The following FBXL4 variants were observed in gnomAD, a reference collection of about 807,000 sequenced individuals.
The protein encoded by FBXL4 is F-box/LRR-repeat protein 4.
FBXL4 carries 40 observed loss-of-function variants against 58.9 expected under a neutral mutation model. That is an observed-to-expected ratio of 0.68 (90% confidence interval 0.53 to 0.88). The LOEUF (loss-of-function observed/expected upper bound fraction) is 0.88. Ranked by LOEUF, FBXL4 falls within the 40% of genes least tolerant of loss-of-function variation. The probability of loss-of-function intolerance (pLI) is 0.00; values close to 1 mark genes in which losing one functional copy is unlikely to be tolerated. For missense variants in FBXL4, 676 were observed against 734.4 expected, an observed-to-expected ratio of 0.92 and a Z score of 0.92; for synonymous variants, 263 against 265.5, an observed-to-expected ratio of 0.99 and a Z score of 0.09.
At chr6:98,933,683 A>G (rs1773097100) in intron 2 of FBXL4, among the ~76,000 whole-genome samples, 1 of 152,212 alleles carries the variant, frequency 6.6e-6, no homozygotes, top group South Asian at 2.1e-4. Context: ...GAACTCCCCA[A>G]GTTCGGAGAA....
At chr6:98,897,173 A>G in intron 7 of FBXL4, 1 of 984,980 alleles carries the variant, frequency 1.0e-6, no homozygotes, top group African/African-American at 1.7e-5. Flanking sequence ...TGAGGCATTT[A>G]AATCCTCCTT....
chr6:98,928,241 T>C (rs1299517829), intron 2 of FBXL4, among the ~76,000 whole-genome samples: 2 of 152,330 alleles, frequency 1.3e-5, no homozygotes, highest in African/African-American at 4.8e-5. Flanking sequence ...AGGTAAACTT[T>C]TGTTGACAAC....
Position 98,874,230 on chromosome 6 carries a change from T to C in FBXL4, c.*48A>G, listed in dbSNP as rs1770571558. The C allele has an allele frequency of 7.0e-7, 1 of 1,428,980 alleles. No homozygotes were observed. Among genetic ancestry groups the C allele is most frequent in the East Asian group, 2.5e-5 (1 of 39,248 alleles). 88.5% of individuals were successfully genotyped at this position (1,428,980 alleles called of 1,614,324 possible). A position where few individuals can be genotyped will look rare whatever the true frequency, so the allele number is the denominator to read the frequency against. On this transcript the variant is annotated 3_prime_UTR_variant, in exon 10 of 10. Transcript: ENST00000369244. Reference sequence around the variant, plus strand: ...ACAAAACCCAAAACCAATCCCAAAATTAAACCCCAACAAAGCACATTAATT... The same window carrying C: ...ACAAAACCCAAAACCAATCCCAAAACTAAACCCCAACAAAGCACATTAATT...
At chr6:98,939,021 A>G (rs920279957) in intron 1 of FBXL4, among the ~76,000 whole-genome samples, 1 of 145,524 alleles carries the variant, frequency 6.9e-6, no homozygotes, top group African/African-American at 2.5e-5. Flanking sequence ...GGCTACAGTA[A>G]GCTGTGATCA....
intron 7 of FBXL4, chr6:98,898,199 AT>A: frequency 1.4e-6 from 1 of 724,902 alleles, no homozygotes; most frequent in Non-Finnish European, 1.7e-6. Flanking sequence ...CTAGACAAAC[AT>A]TCCAGACAGG....
chr6:98,911,841 C>G (rs771377820), intron 5 of FBXL4, among the ~76,000 whole-genome samples: 8 of 152,308 alleles, frequency 5.3e-5, no homozygotes, highest in Non-Finnish European at 1.2e-4. Flanking sequence ...ACTTTGACGA[C>G]TTGAGAGAAG....
At chr6:98,914,013 T>C (rs1772218770) in intron 5 of FBXL4, among the ~76,000 whole-genome samples, 1 of 152,146 alleles carries the variant, frequency 6.6e-6, no homozygotes, top group Admixed American at 6.5e-5. Context: ...AAATACAAAC[T>C]ACCATCAGAG....
intron 7 of FBXL4, among the ~76,000 whole-genome samples, chr6:98,885,004 G>A (rs993067523): frequency 6.6e-6 from 1 of 152,174 alleles, no homozygotes; most frequent in African/African-American, 2.4e-5. Flanking sequence ...TATTGTAGAG[G>A]TGATATAGGT....
intron 2 of FBXL4, among the ~76,000 whole-genome samples, chr6:98,932,013 G>A (rs1773032659): frequency 6.6e-6 from 1 of 152,120 alleles, no homozygotes; most frequent in Non-Finnish European, 1.5e-5. Context: ...TAAGGAGAAT[G>A]GGATTCAAAG....
intron 1 of FBXL4, among the ~76,000 whole-genome samples, chr6:98,938,421 C>T (rs1773304833): frequency 6.6e-6 from 1 of 152,078 alleles, no homozygotes; most frequent in Non-Finnish European, 1.5e-5. Context: ...TTCTGGGTGG[C>T]CAGGGACATT....
At chr6:98,915,004 A>C (rs970951257) in intron 5 of FBXL4, among the ~76,000 whole-genome samples, 8 of 152,222 alleles carry the variant, frequency 5.3e-5, no homozygotes, top group Non-Finnish European at 1.2e-4. Flanking sequence ...CAAAAATCAC[A>C]AGCATTCTTA....
Position 98,874,211 on chromosome 6 carries a change from C to T in FBXL4, c.*67G>A. 7.5e-7 allele frequency: 1 copy of T among 1,334,844 alleles called. No individual in the cohort carries two copies. The highest frequency in any genetic ancestry group is 2.8e-5 in the Admixed American group (1 of 36,106). 82.7% of individuals were successfully genotyped at this position (1,334,844 alleles called of 1,614,324 possible). A position where few individuals can be genotyped will look rare whatever the true frequency, so the allele number is the denominator to read the frequency against. On this transcript the variant is annotated 3_prime_UTR_variant, in exon 10 of 10. Coordinates refer to ENST00000369244, the MANE Select transcript of FBXL4 (RefSeq NM_001278716.2). Reference sequence around the variant, plus strand: ...ACCATTAAAACAACTAAAAACAAAACCCAAAACCAATCCCAAAATTAAACC... The same window carrying T: ...ACCATTAAAACAACTAAAAACAAAATCCAAAACCAATCCCAAAATTAAACC...
At chr6:98,924,158 T>C (rs779720460) in intron 4 of FBXL4, among the ~76,000 whole-genome samples, 16 of 152,174 alleles carry the variant, frequency 1.1e-4, no homozygotes, top group Non-Finnish European at 2.1e-4. Flanking sequence ...AGAAAACACA[T>C]TACATGTTCC....
rs1771519395 is a variant in FBXL4 at position 98,899,363 on chromosome 6, G to T, written c.1222C>A (p.Leu408Ile). The T allele has an allele frequency of 1.2e-6, 2 of 1,613,958 alleles. No individual in the cohort carries two copies. Among genetic ancestry groups the T allele is most frequent in the East Asian group, 2.2e-5 (1 of 44,856 alleles). ...GGTGGTAGCTTATCACAGGAGGAGA[G>T]ATTTAAGGCCTGTAGATTTGGACAC... is the stretch of plus-strand genomic sequence containing the variant. ...EMCPNLQALN[L>I]SSCDKLPPQA... Residue 408 changes from leucine (L) to isoleucine (I), a missense_variant, in exon 7 of 10, where the codon CTC (leucine) becomes ATC (isoleucine). Coordinates refer to ENST00000369244, the MANE Select transcript of FBXL4 (RefSeq NM_001278716.2).
intron 7 of FBXL4, among the ~76,000 whole-genome samples, chr6:98,886,594 T>TG (rs926986157): frequency 6.6e-6 from 1 of 152,240 alleles, no homozygotes; most frequent in African/African-American, 2.4e-5. Flanking sequence ...TGCCATCTCC[T>TG]GACCCCATCT....
chr6:98,888,208 C>T (rs936243633), intron 7 of FBXL4, among the ~76,000 whole-genome samples: 2 of 152,192 alleles, frequency 1.3e-5, no homozygotes, highest in Non-Finnish European at 2.9e-5. Context: ...CAGCCTACTG[C>T]CTGTTTTTGT....
At chr6:98,916,842 A>T (rs1772376384) in intron 5 of FBXL4, among the ~76,000 whole-genome samples, 2 of 151,712 alleles carry the variant, frequency 1.3e-5, no homozygotes, top group African/African-American at 2.4e-5. Context: ...AAAAAAAAAA[A>T]AAGTATTAAT....
chr6:98,903,568 T>C (rs765543615), intron 6 of FBXL4, among the ~76,000 whole-genome samples: 15 of 152,162 alleles, frequency 9.9e-5, no homozygotes, highest in Non-Finnish European at 1.5e-4. Context: ...GGTTAGAAAG[T>C]AGATAGAAAC....
At chr6:98,930,349 G>A (rs2128407735) in intron 2 of FBXL4, among the ~76,000 whole-genome samples, 1 of 152,302 alleles carries the variant, frequency 6.6e-6, no homozygotes, top group Non-Finnish European at 1.5e-5. Flanking sequence ...GAGCCCGCCG[G>A]GGCGGAAGTT....
Sources: gnomAD v4.1 joint callset for allele counts (sites outside exome capture counted in the v4.1 genomes callset) on GRCh38, gnomAD v4.1.1 for gene constraint, MANE v1.5 for transcripts, NCBI Gene and HGNC (gene_info 2026-07-23, HGNC 2026-07-21) for gene names.